The following LHB variants were observed in gnomAD, a reference collection of about 807,000 sequenced individuals.
LHB encodes lutropin subunit beta.
In LHB, 11 loss-of-function variants were observed where a neutral mutation model predicts 10.6. The observed-to-expected ratio is 1.04, with a 90% confidence interval of 0.66 to 1.72. LHB has a LOEUF of 1.72. Among genes scored for constraint, LHB ranks in the 40% most tolerant of loss-of-function variants. The pLI, the probability that LHB is intolerant of heterozygous loss-of-function variation, is 0.00. For missense variants in LHB, 184 were observed against 197.3 expected (o/e 0.93, Z 0.41); for synonymous variants, 86 against 83.1 (o/e 1.03, Z -0.19).
At chr19:49,017,938 C>G (rs1600207530), upstream of LHB, 2 of 398,428 alleles carry the variant, frequency 5.0e-6, no homozygotes, top group East Asian at 7.1e-5. Flanking sequence ...GCCCTGGGGG[C>G]GGGTCTGGGG....
rs777579855 is a variant in LHB, at chr19:49,016,127, G to T, written c.367C>A (p.Pro123Thr). 1 of 1,612,882 alleles carries T rather than the reference G, an allele frequency of 6.2e-7. No homozygotes were observed. Among genetic ancestry groups the T allele is most frequent in the Non-Finnish European group, 8.5e-7 (1 of 1,180,028 alleles). The change falls in exon 3 of 3, where the codon CCC (proline) becomes ACC (threonine). Residue 123 changes from proline (P) to threonine (T), a missense_variant. Transcript: ENST00000649238. ...TCACAGGTCAAGGGGTGGTCTTTGG[G>T]ACCCCCACAGTCAGAGGTGCTGCGG... ...CRRSTSDCGG[P>T]KDHPLTCDHP...
chr19:49,016,741 G>T, intron 1 of LHB, 27 bp from the exon 2 acceptor site: 1 of 1,608,102 alleles, frequency 6.2e-7, no homozygotes, highest in South Asian at 1.1e-5. Flanking sequence ...GCTTCACCCA[G>T]GTCTGAGACC....
chr19:49,018,889 A>G, upstream of LHB: 1 of 1,534,378 alleles, frequency 6.5e-7, no homozygotes, highest in Non-Finnish European at 8.7e-7. Context: ...TAGAACCGAA[A>G]GTCCCGCGCC....
chr19:49,016,345 C>T (rs765948394), intron 2 of LHB, 35 bp from the exon 3 acceptor site: 2 of 1,607,348 alleles, frequency 1.2e-6, no homozygotes, highest in Non-Finnish European at 1.7e-6. Context: ...TGAGCATGTG[C>T]CTGAGGCCAG....
chr19:49,018,957 G>A, upstream of LHB: 5 of 1,534,278 alleles, frequency 3.3e-6, no homozygotes, highest in Non-Finnish European at 4.4e-6. Flanking sequence ...TACTGTGAAA[G>A]GCCGGCCAGA....
upstream of LHB, chr19:49,017,390 G>A: frequency 1.8e-6 from 2 of 1,102,724 alleles, no homozygotes; most frequent in Non-Finnish European, 1.2e-6. Context: ...GCCTGCCTCT[G>A]CCAATTGTGG....
upstream of LHB, chr19:49,019,338 G>C (rs1486395365): frequency 1.7e-5 from 20 of 1,174,806 alleles, no homozygotes; most frequent in Non-Finnish European, 2.0e-5. Context: ...GAGCTGAGCT[G>C]CATCTTGGGC....
At chr19:49,019,067 T>A, upstream of LHB, 1 of 1,463,694 alleles carries the variant, frequency 6.8e-7, no homozygotes, top group Non-Finnish European at 9.0e-7. Flanking sequence ...AAGCCCTGGG[T>A]CCCGAGTTCA....
chr19:49,016,283 G>T lies in LHB; in HGVS notation c.211C>A (p.Pro71Thr). 1 of 1,611,844 alleles carries T rather than the reference G, an allele frequency of 6.2e-7. No homozygotes were observed. Among genetic ancestry groups the T allele is most frequent in the East Asian group, 2.2e-5 (1 of 44,878 alleles). Residue 71 changes from proline to threonine, a missense_variant, in exon 3 of 3, where the codon CCC (proline) becomes ACC (threonine). Physicochemically the swap from Pro to Thr is conservative, Grantham distance 38. Transcript: ENST00000649238. ...MMRVLQAVLPPLPQVVCTYRD... is the reference protein window; with the variant it reads ...MMRVLQAVLPTLPQVVCTYRD... ...TAGGTGCACACCACCTGAGGCAGGGGCGGCAGGACCGCCTGCAGCACGCGC... is the reference window on the plus strand; with the variant it reads ...TAGGTGCACACCACCTGAGGCAGGGTCGGCAGGACCGCCTGCAGCACGCGC...
At chr19:49,017,786 C>T (rs2039583109), upstream of LHB, 1 of 403,218 alleles carries the variant, frequency 2.5e-6, no homozygotes, top group Non-Finnish European at 4.3e-6. Context: ...TGGACTTAGT[C>T]CCCTCTCCGT....
At position 49,016,241 on chromosome 19, in the gene LHB, C is replaced by G. The variant is rs370729531; in HGVS notation, c.253G>C (p.Glu85Gln). 4 of 1,612,430 alleles carry G rather than the reference C, an allele frequency of 2.5e-6. No individual in the cohort carries two copies. The highest frequency in any genetic ancestry group is 1.1e-5 in the South Asian group (1 of 91,012). Residue 85 changes from glutamate to glutamine, a missense_variant, in exon 3 of 3, where the codon GAG becomes CAG. Transcript: ENST00000649238. ...GGGCAGCCAGGGAGCCGGATGGACT[C>G]GAAGCGCACATCACGGTAGGTGCAC... The part of the protein sequence containing the change: ...VVCTYRDVRF[E>Q]SIRLPGCPRG...
upstream of LHB, chr19:49,018,145 C>T (rs1244558079): frequency 2.5e-6 from 1 of 402,146 alleles, no homozygotes; most frequent in East Asian, 3.6e-5. Flanking sequence ...ACTCCTGAGC[C>T]AGAGACAGGG....
At chr19:49,017,023 G>A (rs373995720) in intron 1 of LHB, 44 bp downstream of exon 1, 1 of 1,613,124 alleles carries the variant, frequency 6.2e-7, no homozygotes, top group African/African-American at 1.3e-5. Flanking sequence ...GCCAGTGATG[G>A]CCTGGAAGGA....
chr19:49,018,597 AG>A (rs2039594239), upstream of LHB, among the ~76,000 whole-genome samples: 1 of 152,056 alleles, frequency 6.6e-6, no homozygotes. Flanking sequence ...TGGGGGCTCA[AG>A]TACCGAAGGA....
Position 49,016,691 on chromosome 19 carries a change from C to A in LHB, c.39G>T (p.Leu13=), listed in dbSNP as rs374236524. Residue 13 remains leucine, a synonymous_variant, in exon 2 of 3, where the codon CTG becomes CTT. Coordinates refer to ENST00000649238, the MANE Select transcript of LHB (RefSeq NM_000894.3). The part of the protein sequence containing the change: ...MLQGLLLLLL[L]SMGGAWASRE... ...TGGATGCCCATGCCCCGCCCATGCTCAGCAGCAGCAACAGCAGCAGCCCCT... is the reference window on the plus strand; with the variant it reads ...TGGATGCCCATGCCCCGCCCATGCTAAGCAGCAGCAACAGCAGCAGCCCCT... 4.3e-6 allele frequency: 7 copies of A among 1,611,652 alleles called. No individual in the cohort carries two copies. The Admixed American group carries it at 1.2e-4, about 27-fold the overall frequency.
At position 49,016,235 on chromosome 19, in the gene LHB, T is replaced by C. The variant is rs757852880; in HGVS notation, c.259A>G (p.Ile87Val). The change falls in exon 3 of 3, where the codon ATC (isoleucine) becomes GTC (valine). Residue 87 changes from isoleucine to valine, a missense_variant. Coordinates refer to ENST00000649238, the MANE Select transcript of LHB (RefSeq NM_000894.3). Reference sequence around the variant, plus strand: ...CCACGCGGGCAGCCAGGGAGCCGGATGGACTCGAAGCGCACATCACGGTAG... The same window carrying C: ...CCACGCGGGCAGCCAGGGAGCCGGACGGACTCGAAGCGCACATCACGGTAG... ...CTYRDVRFES[I>V]RLPGCPRGVD... The C allele has an allele frequency of 9.3e-6, 15 of 1,612,296 alleles. No individual in the cohort carries two copies. In the South Asian group the frequency reaches 1.3e-4, roughly 14 times the overall value.
upstream of LHB, chr19:49,019,264 C>A: frequency 7.7e-7 from 1 of 1,299,080 alleles, no homozygotes; most frequent in Non-Finnish European, 9.8e-7. Context: ...AACCCAAGCC[C>A]CCAGCCACCA....
upstream of LHB, chr19:49,019,338 G>A: frequency 8.5e-7 from 1 of 1,174,922 alleles, no homozygotes; most frequent in Non-Finnish European, 1.1e-6. Context: ...GAGCTGAGCT[G>A]CATCTTGGGC....
At chr19:49,017,428 A>G (rs2039575938), upstream of LHB, 2 of 1,140,222 alleles carry the variant, frequency 1.8e-6, no homozygotes, top group Non-Finnish European at 2.3e-6. Context: ...GGAGGCCATG[A>G]CCCGAGAAAG....
Sources: gnomAD v4.1 joint callset for allele counts (sites outside exome capture counted in the v4.1 genomes callset) on GRCh38, gnomAD v4.1.1 for gene constraint, MANE v1.5 for transcripts, NCBI Gene and HGNC (gene_info 2026-07-23, HGNC 2026-07-21) for gene names.